Variants in GRM1 observed in about 807,000 individuals in gnomAD.
GRM1 encodes metabotropic glutamate receptor 1.
In GRM1, 33 loss-of-function variants were observed where a neutral mutation model predicts 90.9. The ratio of observed to expected loss-of-function variants is 0.36; its 90% confidence interval spans 0.28 to 0.49. GRM1 has a LOEUF of 0.49. GRM1 is among the 20% of genes least tolerant of loss of function. The probability of loss-of-function intolerance (pLI) is 0.99; values close to 1 mark genes in which losing one functional copy is unlikely to be tolerated. For synonymous variants in GRM1, 700 were observed against 613.2 expected (o/e 1.14, Z -2.09); for missense variants, 1,190 against 1,534.3 (o/e 0.78, Z 3.75).
intron 2 of GRM1, among the ~76,000 whole-genome samples, chr6:146,279,963 G>A (rs1429018429): frequency 1.3e-5 from 2 of 152,030 alleles, no homozygotes; most frequent in African/African-American, 4.8e-5. Flanking sequence ...AATGTGGTGG[G>A]ACTAGGTGTG....
chr6:146,173,744 G>A lies in GRM1; in HGVS notation c.950+14147G>A, dbSNP rs1021047895. Among the ~76,000 whole-genome samples, 22 of 149,142 alleles carry A rather than the reference G, an allele frequency of 1.5e-4. 1 individual carries two copies. The highest frequency in any genetic ancestry group is 2.5e-4 in the Non-Finnish European group (17 of 67,778). On this transcript the variant is annotated intron_variant, in intron 2 of 7. Coordinates refer to ENST00000282753, the MANE Select transcript of GRM1 (RefSeq NM_001278064.2). ...TGCAATGGCATGATCTTGGCTGACT[G>A]CAATCTCCACCTCCTGGGTTGAAGT...
chr6:146,385,681 TA>T (rs1227311393), intron 5 of GRM1, among the ~76,000 whole-genome samples: 1 of 151,774 alleles, frequency 6.6e-6, no homozygotes, highest in Non-Finnish European at 1.5e-5. Context: ...TTTGTTATTT[TA>T]AAAAACATAT....
At chr6:146,332,444 G>A (rs1321133379) in intron 3 of GRM1, among the ~76,000 whole-genome samples, 11 of 152,302 alleles carry the variant, frequency 7.2e-5, no homozygotes, top group African/African-American at 2.2e-4. Context: ...GGTTGTTCCT[G>A]TAGGTTGTCT....
chr6:146,306,319 T>G (rs946204118), intron 3 of GRM1, among the ~76,000 whole-genome samples: 1 of 152,120 alleles, frequency 6.6e-6, no homozygotes, highest in Non-Finnish European at 1.5e-5. Context: ...CAATAAATCA[T>G]CCAAGACAGT....
At chr6:146,172,859 T>G (rs1778188640) in intron 2 of GRM1, among the ~76,000 whole-genome samples, 1 of 152,188 alleles carries the variant, frequency 6.6e-6, no homozygotes, top group South Asian at 2.1e-4. Context: ...CACTTTATAC[T>G]TTTCACAGAA....
chr6:146,279,405 C>G (rs1298678467), intron 2 of GRM1, among the ~76,000 whole-genome samples: 1 of 152,004 alleles, frequency 6.6e-6, no homozygotes, highest in Admixed American at 6.6e-5. Context: ...AGTTGAAACA[C>G]ATTAATTTTA....
In GRM1 at chr6:146,029,523, C is replaced by T; in HGVS notation, c.6C>T (p.Val2=). The T allele has an allele frequency of 6.2e-7, 1 of 1,613,348 alleles. No individual in the cohort carries two copies. Among genetic ancestry groups the T allele is most frequent in the Non-Finnish European group, 8.5e-7 (1 of 1,179,354 alleles). M[V]GLLLFFFPAI... ...TGGACCTCGTCCTCACCACCATGGT[C>T]GGGCTCCTTTTGTTTTTTTTCCCAG... The change falls in exon 1 of 8, where the codon GTC becomes GTT. Residue 2 remains valine, a synonymous_variant. Coordinates refer to ENST00000282753, the MANE Select transcript of GRM1 (RefSeq NM_001278064.2).
chr6:146,252,972 A>G (rs561205939), intron 2 of GRM1, among the ~76,000 whole-genome samples: 1 of 152,164 alleles, frequency 6.6e-6, no homozygotes, highest in South Asian at 2.1e-4. Context: ...AGGCAACAGA[A>G]TCACTTGAAC....
chr6:146,302,855 AAAG>A (rs1436830242), intron 2 of GRM1, among the ~76,000 whole-genome samples: 1 of 152,074 alleles, frequency 6.6e-6, no homozygotes, highest in Non-Finnish European at 1.5e-5. Flanking sequence ...AAGAAAGAAA[AAAG>A]AAAGAAGGAA....
At chr6:146,102,969 T>G (rs1160605916) in intron 1 of GRM1, among the ~76,000 whole-genome samples, 1 of 152,184 alleles carries the variant, frequency 6.6e-6, no homozygotes, top group African/African-American at 2.4e-5. Context: ...AACCAAATAT[T>G]TGGGGATACC....
chr6:146,201,181 G>C (rs1779286314), intron 2 of GRM1, among the ~76,000 whole-genome samples: 1 of 152,172 alleles, frequency 6.6e-6, no homozygotes, highest in Non-Finnish European at 1.5e-5. Flanking sequence ...TAAAATTTGA[G>C]TTGCTGATAT....
chr6:146,405,850 A>T (rs1308915786), intron 7 of GRM1, among the ~76,000 whole-genome samples: 1 of 152,134 alleles, frequency 6.6e-6, no homozygotes, highest in African/African-American at 2.4e-5. Context: ...GGGGAGAATG[A>T]CTCATATATT....
chr6:146,224,270 G>C (rs1356499172), intron 2 of GRM1, among the ~76,000 whole-genome samples: 1 of 152,134 alleles, frequency 6.6e-6, no homozygotes, highest in African/African-American at 2.4e-5. Context: ...GAGGTGGGAA[G>C]TGTTGGCTGA....
chr6:146,191,935 G>T (rs1042872000), intron 2 of GRM1, among the ~76,000 whole-genome samples: 64 of 152,242 alleles, frequency 4.2e-4, no homozygotes, highest in Non-Finnish European at 6.9e-4. Context: ...CAAACAAGCT[G>T]GGGAAAGGAC....
rs1778696553 is a variant in GRM1, at chr6:146,185,353, A to G, written c.950+25756A>G. On this transcript the variant is annotated intron_variant, in intron 2 of 7. Transcript: ENST00000282753. Reference sequence around the variant, plus strand: ...TGGCCTAGAGCAATTGTGCTGTGCCATACAGCCAAGACTGTGAAAGCTGCC... The same window carrying G: ...TGGCCTAGAGCAATTGTGCTGTGCCGTACAGCCAAGACTGTGAAAGCTGCC... Among the ~76,000 whole-genome samples, 5 of 152,244 alleles carry G rather than the reference A, an allele frequency of 3.3e-5. No individual in the cohort carries two copies. In the South Asian group the frequency reaches 1.0e-3, roughly 32 times the overall value.
At chr6:146,370,543 T>C (rs1775859511) in intron 5 of GRM1, among the ~76,000 whole-genome samples, 2 of 152,124 alleles carry the variant, frequency 1.3e-5, no homozygotes, top group African/African-American at 4.8e-5. Context: ...TATAAGATTT[T>C]TGAGCTCTTT....
At chr6:146,145,481 C>T (rs1030988449) in intron 1 of GRM1, among the ~76,000 whole-genome samples, 2 of 152,200 alleles carry the variant, frequency 1.3e-5, no homozygotes, top group African/African-American at 4.8e-5. Context: ...GCACACTGCG[C>T]AGCTGCTCAA....
At chr6:146,061,946 G>A (rs960140680) in intron 1 of GRM1, among the ~76,000 whole-genome samples, 6 of 152,078 alleles carry the variant, frequency 3.9e-5, no homozygotes, top group Middle Eastern at 6.8e-3. Context: ...GTGATTCCTC[G>A]AGGATCTAGA....
At chr6:146,091,375 G>A (rs2128867504) in intron 1 of GRM1, among the ~76,000 whole-genome samples, 1 of 152,226 alleles carries the variant, frequency 6.6e-6, no homozygotes, top group East Asian at 1.9e-4. Flanking sequence ...ATTCATGAAA[G>A]CCTCTTCATA....
Sources: gnomAD v4.1 joint callset for allele counts (sites outside exome capture counted in the v4.1 genomes callset) on GRCh38, gnomAD v4.1.1 for gene constraint, MANE v1.5 for transcripts, NCBI Gene and HGNC (gene_info 2026-07-23, HGNC 2026-07-21) for gene names.